Variants in S100A13 observed in about 807,000 individuals in gnomAD.
S100A13 encodes the protein protein S100-A13.
A neutral mutation model predicts 8.2 loss-of-function variants in S100A13; 6 were observed. The ratio of observed to expected loss-of-function variants is 0.73; its 90% CI spans 0.40 to 1.44. S100A13 has a LOEUF of 1.44. Ranked by LOEUF, S100A13 falls within the 40% of genes most tolerant of loss-of-function variation. S100A13 has a pLI of 0.02. For missense variants in S100A13, 114 were observed against 113.6 expected (o/e 1.00, Z -0.02); for synonymous variants, 39 against 45.9 (o/e 0.85, Z 0.61).
chr1:153,619,169 AAAG>A, intron 2 of S100A13, 131 bp from the exon 3 acceptor site: 2 of 839,890 alleles, frequency 2.4e-6, no homozygotes, highest in Non-Finnish European at 3.7e-6. Flanking sequence ...CCCCTTCTCT[AAAG>A]AAGGAGGCTG....
chr1:153,625,239 A>G (rs1667538857), intron 2 of S100A13, among the ~76,000 whole-genome samples: 1 of 152,192 alleles, frequency 6.6e-6, no homozygotes, highest in Non-Finnish European at 1.5e-5. Flanking sequence ...CTCAAAAAAA[A>G]GTCTGAGAAG....
upstream of S100A13, chr1:153,630,691 G>C (rs1236920994): frequency 6.2e-7 from 1 of 1,611,644 alleles, no homozygotes; most frequent in Non-Finnish European, 8.5e-7. Flanking sequence ...AGTGGGAGTG[G>C]AGTGGGTGAA....
chr1:153,625,639 G>A (rs942931999), intron 2 of S100A13, among the ~76,000 whole-genome samples: 1 of 152,216 alleles, frequency 6.6e-6, no homozygotes, highest in Non-Finnish European at 1.5e-5. Context: ...TGAGGAATGC[G>A]GACTGTGTTT....
intron 1 of S100A13, 140 bp from the exon 2 acceptor site, chr1:153,626,673 G>T (rs1235017591): frequency 3.0e-5 from 16 of 535,052 alleles, no homozygotes; most frequent in Non-Finnish European, 5.0e-5. Flanking sequence ...GAGGACAGGG[G>T]TTGAGCTTGG....
At chr1:153,622,435 T>C (rs1219280901) in intron 2 of S100A13, among the ~76,000 whole-genome samples, 1 of 152,220 alleles carries the variant, frequency 6.6e-6, no homozygotes, top group Admixed American at 6.5e-5. Context: ...ATTTACCTTA[T>C]GTTGTTATTT....
At chr1:153,630,599 G>C (rs771796783), upstream of S100A13, 3 of 1,614,278 alleles carry the variant, frequency 1.9e-6, no homozygotes, top group Admixed American at 1.7e-5. Flanking sequence ...AGGGGGACAA[G>C]TACAAGCTGA....
chr1:153,626,581 A>T, intron 1 of S100A13, 48 bp from the exon 2 acceptor site: 1 of 1,127,138 alleles, frequency 8.9e-7, no homozygotes, highest in Admixed American at 2.0e-5. Context: ...GAGCCCCAAG[A>T]TGCAGGAATG....
At chr1:153,619,066 A>G in intron 2 of S100A13, 28 bp from the exon 3 acceptor site, 1 of 1,603,118 alleles carries the variant, frequency 6.2e-7, no homozygotes, top group Non-Finnish European at 8.5e-7. Flanking sequence ...GGAAGGGTAG[A>G]GTTAGAAACT....
upstream of S100A13, chr1:153,631,511 G>T (rs1234374684): frequency 6.2e-7 from 1 of 1,612,798 alleles, no homozygotes; most frequent in Non-Finnish European, 8.5e-7. Flanking sequence ...CATTCTGCCA[G>T]GTGAAAGAGC....
chr1:153,631,892 C>A, upstream of S100A13: 1 of 1,589,936 alleles, frequency 6.3e-7, no homozygotes, highest in Non-Finnish European at 8.6e-7. Context: ...CCCAGACCTG[C>A]CTCTTCCCCC....
upstream of S100A13, chr1:153,628,533 G>C: frequency 6.5e-7 from 1 of 1,549,240 alleles, no homozygotes; most frequent in East Asian, 2.4e-5. Context: ...TCCCTGGCCT[G>C]CCAGCTTCAG....
chr1:153,627,929 C>T, upstream of S100A13: 14 of 1,165,398 alleles, frequency 1.2e-5, no homozygotes, highest in Non-Finnish European at 1.7e-5. Flanking sequence ...CAAGATCCCT[C>T]AGAGAACCCC....
upstream of S100A13, chr1:153,628,342 C>T (rs893250347): frequency 1.3e-6 from 2 of 1,533,334 alleles, no homozygotes; most frequent in East Asian, 4.9e-5. Flanking sequence ...GCCCCTTGCC[C>T]CACAGGGTGT....
chr1:153,632,043 G>A (rs3818632), upstream of S100A13: 340,697 of 592,306 alleles, frequency 0.58, 99,146 homozygotes, highest in Admixed American at 0.71. Flanking sequence ...CCAGCCATCC[G>A]ATGTCTGTCT....
rs1015230079 is a variant in S100A13, at chr1:153,622,898, C to T, written c.153+3422G>A. The stretch of plus-strand genomic sequence containing the variant: ...ATCTTTGCTTACCTAATTACATGCA[C>T]GCACACGTACAGAGGCCCTGTCTCT... On this transcript the variant is annotated intron_variant, in intron 2 of 2. Transcript: ENST00000476133. Among the ~76,000 whole-genome samples the T allele has an allele frequency of 9.9e-5, 15 of 152,116 alleles. No homozygotes were observed. The East Asian group carries it at 1.7e-3, about 18-fold the overall frequency.
chr1:153,628,970 GGGA>G (rs1356197512), upstream of S100A13: 24 of 161,572 alleles, frequency 1.5e-4, no homozygotes, highest in Non-Finnish European at 3.1e-4. Flanking sequence ...CAGGTCCCGG[GGGA>G]GTCTGGGGGT....
chr1:153,632,005 T>C, upstream of S100A13: 3 of 666,018 alleles, frequency 4.5e-6, no homozygotes, highest in Non-Finnish European at 7.1e-6. Flanking sequence ...AGCCTGCAAC[T>C]CATCTTTCAT....
At chr1:153,628,706 G>T (rs1055731458), upstream of S100A13, 1 of 855,278 alleles carries the variant, frequency 1.2e-6, no homozygotes, top group Non-Finnish European at 1.7e-6. Flanking sequence ...GTCGGAGAGA[G>T]AGCTGGCAGC....
At chr1:153,621,918 C>T (rs1020631771) in intron 2 of S100A13, among the ~76,000 whole-genome samples, 3 of 151,458 alleles carry the variant, frequency 2.0e-5, no homozygotes, top group Non-Finnish European at 4.4e-5. Context: ...ATTATATAAG[C>T]GTAAATCAGA....
Sources: gnomAD v4.1 joint callset for allele counts (sites outside exome capture counted in the v4.1 genomes callset) on GRCh38, gnomAD v4.1.1 for gene constraint, MANE v1.5 for transcripts, NCBI Gene and HGNC (gene_info 2026-07-23, HGNC 2026-07-21) for gene names.